DAGLA: variants seen among roughly 807,000 people sequenced by gnomAD.
DAGLA encodes the protein diacylglycerol lipase alpha.
Under a neutral mutation model 102.6 loss-of-function variants are expected in DAGLA, and 22 were observed. The observed-to-expected ratio is 0.21, with a 90% CI of 0.15 to 0.31. The LOEUF (loss-of-function observed/expected upper bound fraction) is 0.31. DAGLA is among the 10% of genes least tolerant of loss of function. The pLI, the probability that DAGLA is intolerant of heterozygous loss-of-function variation, is 1.00. For synonymous variants in DAGLA, 578 were observed against 628.9 expected (o/e 0.92, Z 1.21); for missense variants, 927 against 1,446.6 (o/e 0.64, Z 5.83).
chr11:61,682,607 C>G (rs1286789565), intron 1 of DAGLA, among the ~76,000 whole-genome samples: 1 of 152,164 alleles, frequency 6.6e-6, no homozygotes, highest in East Asian at 1.9e-4. Flanking sequence ...CAGGGTAGGT[C>G]TGGGAGGTGT....
rs198444 is a variant in DAGLA, at chr11:61,737,696, G to A, written c.1524G>A (p.Ala508=). The change falls in exon 15 of 20, where the codon GCG becomes GCA. Residue 508 remains alanine, a synonymous_variant. Coordinates refer to ENST00000257215, the MANE Select transcript of DAGLA (RefSeq NM_006133.3). ...TCGGCTTCCCTTGCAGTGAGGATGCGATGGAGTATTCCAAGGAGTTCGTGA... is the reference window on the plus strand; with the variant it reads ...TCGGCTTCCCTTGCAGTGAGGATGCAATGGAGTATTCCAAGGAGTTCGTGA... ...SPPGGLLSED[A]MEYSKEFVTA... is the part of the protein sequence containing the mutation. The A allele has an allele frequency of 0.44, 715,848 of 1,612,430 alleles. 162,955 individuals carry two copies. The highest frequency in any genetic ancestry group is 0.8 in the East Asian group (35,914 of 44,828).
chr11:61,713,931 A>G (rs898348568), intron 1 of DAGLA, among the ~76,000 whole-genome samples: 1 of 152,144 alleles, frequency 6.6e-6, no homozygotes. Flanking sequence ...ACCACCTTCC[A>G]ATTTCAAAGC....
rs763626950 is a variant in DAGLA, at chr11:61,739,629, C to T, written c.1821C>T (p.His607=). The change falls in exon 17 of 20, where the codon CAC becomes CAT. Residue 607 remains histidine (H), a synonymous_variant. Transcript: ENST00000257215. ...TPLYPPGRII[H]VVHNHPAEQC... ...TCTACCCGCCCGGCCGCATCATCCA[C>T]GTGGTCCACAACCACCCTGCAGAGC... 3.3e-5 allele frequency: 54 copies of T among 1,613,942 alleles called. No individual in the cohort carries two copies. The highest frequency in any genetic ancestry group is 4.4e-5 in the South Asian group (4 of 91,092).
Position 61,744,437 on chromosome 11 carries a change from G to A in DAGLA, c.3077G>A (p.Gly1026Asp), listed in dbSNP as rs1383974716. 1 of 1,598,700 alleles carries A rather than the reference G, an allele frequency of 6.3e-7. No homozygotes were observed. Among genetic ancestry groups the A allele is most frequent in the Admixed American group, 1.7e-5 (1 of 58,990 alleles). The change falls in exon 20 of 20, where the codon GGC (glycine) becomes GAC (aspartate). Residue 1026 changes from glycine to aspartate, a missense_variant. Around this residue, in one of 4 missense-constraint regions of DAGLA, gnomAD observed 434 missense variants for 503.3 expected, o/e 0.86. Transcript: ENST00000257215. ...AAGATCCGGACTTCTACCCCCACTG[G>A]CCACGGAGCCAGCCCCGCCAAGCAA... ...ADKIRTSTPT[G>D]HGASPAKQDE...
chr11:61,712,716 T>C (rs938330449), intron 1 of DAGLA, among the ~76,000 whole-genome samples: 1 of 152,134 alleles, frequency 6.6e-6, no homozygotes. Context: ...GTCGTCTCCC[T>C]TGTCACCTCT....
rs377110829 is a variant in DAGLA at position 61,744,511 on chromosome 11, C to T, written c.*22C>T. The T allele has an allele frequency of 4.1e-5, 62 of 1,521,188 alleles. No individual in the cohort carries two copies. Among genetic ancestry groups the T allele is most frequent in the African/African-American group, 3.5e-4 (25 of 72,134 alleles). 94.2% of individuals were successfully genotyped at this position (1,521,188 alleles called of 1,614,324 possible). ...CTAGCACCCCAGTTGCGTGGCCAGC[C>T]GGGCCCAGGCAGGAGCAGGTGGCCC... On this transcript the variant is annotated 3_prime_UTR_variant, in exon 20 of 20. Coordinates refer to ENST00000257215, the MANE Select transcript of DAGLA (RefSeq NM_006133.3).
Position 61,746,603 on chromosome 11 carries a change from C to G in DAGLA, c.*2114C>G, listed in dbSNP as rs1366474338. On this transcript the variant is annotated 3_prime_UTR_variant, in exon 20 of 20. Coordinates refer to ENST00000257215, the MANE Select transcript of DAGLA (RefSeq NM_006133.3). ...GGGCAGCCCACCCCTAACCTGGCTC[C>G]TACCCACCTCGCCCTTGAAGGATGG... The G allele has an allele frequency of 6.6e-6, 1 of 152,652 alleles. No individual in the cohort carries two copies. The highest frequency in any genetic ancestry group is 2.4e-5 in the African/African-American group (1 of 41,450). The allele number at this position is 152,652 out of a possible 1,614,324, so 9.5% of individuals were successfully genotyped here. A position where few individuals can be genotyped will look rare whatever the true frequency, so the allele number is the denominator to read the frequency against.
At position 61,731,206 on chromosome 11, in the gene DAGLA, C is replaced by G. The variant is rs527961479; in HGVS notation, c.850-111C>G. The stretch of plus-strand genomic sequence containing the variant: ...ACACCTCAACAGGGGACCAGCAACC[C>G]CTCCCTGCCAGGGGTTGGGTCCGCA... On this transcript the variant is annotated intron_variant, in intron 8 of 19. Transcript: ENST00000257215. 402 of 1,375,970 alleles carry G rather than the reference C, an allele frequency of 2.9e-4. 3 individuals carry two copies. In the South Asian group the frequency reaches 3.2e-3, roughly 11 times the overall value. 85.2% of individuals were successfully genotyped at this position (1,375,970 alleles called of 1,614,324 possible). A position where few individuals can be genotyped will look rare whatever the true frequency, so the allele number is the denominator to read the frequency against.
intron 1 of DAGLA, among the ~76,000 whole-genome samples, chr11:61,703,693 G>C (rs1258348072): frequency 2.0e-5 from 3 of 151,804 alleles, no homozygotes; most frequent in African/African-American, 7.3e-5. Context: ...ATGGATGGAT[G>C]GATGGATGGA....
intron 1 of DAGLA, among the ~76,000 whole-genome samples, chr11:61,689,508 C>CTT (rs199969886): frequency 2.5e-4 from 29 of 114,102 alleles, no homozygotes; most frequent in South Asian, 3.2e-4. Context: ...GTTTCCTCAT[C>CTT]TTTTTTTTTT....
At chr11:61,716,198 C>T (rs1489660252) in intron 1 of DAGLA, among the ~76,000 whole-genome samples, 1 of 152,062 alleles carries the variant, frequency 6.6e-6, no homozygotes, top group Non-Finnish European at 1.5e-5. Context: ...GACCCTGGCC[C>T]CGGGGACTGT....
chr11:61,680,681 G>A (rs2064934042), intron 1 of DAGLA, among the ~76,000 whole-genome samples, 177 bp downstream of exon 1: 1 of 151,770 alleles, frequency 6.6e-6, no homozygotes, highest in Non-Finnish European at 1.5e-5. Context: ...CCTGGCACCA[G>A]CGTGGGGATG....
Position 61,746,613 on chromosome 11 carries a change from C to T in DAGLA, c.*2124C>T, listed in dbSNP as rs2852786. On this transcript the variant is annotated 3_prime_UTR_variant, in exon 20 of 20. Transcript: ENST00000257215. ...CCCCTAACCTGGCTCCTACCCACCT[C>T]GCCCTTGAAGGATGGGCCTGCTGCA... 0.55 allele frequency: 83,419 copies of T among 152,538 alleles called. 25,223 individuals carry two copies. Among genetic ancestry groups the T allele is most frequent in the Middle Eastern group, 0.73 (215 of 296 alleles). The allele number at this position is 152,538 out of a possible 1,614,324, so 9.4% of individuals were successfully genotyped here. A position where few individuals can be genotyped will look rare whatever the true frequency, so the allele number is the denominator to read the frequency against.
intron 9 of DAGLA, among the ~76,000 whole-genome samples, chr11:61,732,437 G>C (rs1263980661): frequency 1.3e-5 from 2 of 152,216 alleles, no homozygotes; most frequent in Non-Finnish European, 2.9e-5. Context: ...AGTCCCAGCT[G>C]TGGCAGAGAA....
At chr11:61,736,206 CTG>C (rs1433068503) in intron 12 of DAGLA, 62 bp from the exon 13 acceptor site, 1 of 1,385,118 alleles carries the variant, frequency 7.2e-7, no homozygotes, top group Non-Finnish European at 1.0e-6. Context: ...CTGCAGGTCA[CTG>C]TGGGTTTGCT....
intron 1 of DAGLA, among the ~76,000 whole-genome samples, chr11:61,713,829 T>A (rs1372692532): frequency 6.6e-6 from 1 of 152,136 alleles, no homozygotes; most frequent in African/African-American, 2.4e-5. Flanking sequence ...CCAGACCAGA[T>A]AAGCTCCAGT....
intron 19 of DAGLA, among the ~76,000 whole-genome samples, chr11:61,741,913 G>A (rs1013750384): frequency 7.9e-5 from 12 of 152,176 alleles, no homozygotes; most frequent in Non-Finnish European, 1.3e-4. Context: ...TGGCCGGCCT[G>A]CACAGATTCA....
chr11:61,716,062 A>G (rs1591038348), intron 1 of DAGLA, among the ~76,000 whole-genome samples: 1 of 152,146 alleles, frequency 6.6e-6, no homozygotes, highest in Admixed American at 6.5e-5. Flanking sequence ...CAGAGGGGGA[A>G]GGAGCCACTG....
At chr11:61,736,230 G>T in intron 12 of DAGLA, 40 bp from the exon 13 acceptor site, 1 of 1,556,612 alleles carries the variant, frequency 6.4e-7, no homozygotes, top group Non-Finnish European at 8.9e-7. Flanking sequence ...GTCACTGGGA[G>T]GCCTCCCACC....
Sources: allele counts gnomAD v4.1 joint callset (sites outside exome capture counted in the v4.1 genomes callset), GRCh38; gene constraint gnomAD v4.1.1; regional missense constraint gnomAD v4.1.1; transcripts MANE v1.5; gene names NCBI Gene and HGNC (gene_info 2026-07-23, HGNC 2026-07-21).